Variants in HSD17B11 observed in about 807,000 individuals in gnomAD.
HSD17B11 encodes the protein hydroxysteroid 17-beta dehydrogenase 11.
In HSD17B11, 22 loss-of-function variants were observed where a neutral mutation model predicts 27.8. The ratio of observed to expected loss-of-function variants is 0.79; its 90% CI spans 0.56 to 1.13. The LOEUF (loss-of-function observed/expected upper bound fraction) is 1.13, where lower values mean the gene tolerates loss of function less well. Among genes scored for constraint, HSD17B11 ranks in the 50% most tolerant of loss-of-function variants. The pLI is 0.00. For synonymous variants in HSD17B11, 117 were observed against 132.8 expected, an observed-to-expected ratio of 0.88 and a Z score of 0.82; for missense variants, 314 against 351.1, an observed-to-expected ratio of 0.89 and a Z score of 0.84.
chr4:87,381,877 C>G (rs540818093), intron 2 of HSD17B11, among the ~76,000 whole-genome samples: 31 of 152,032 alleles, frequency 2.0e-4, no homozygotes, highest in African/African-American at 7.0e-4. Context: ...TTCAGAAGAC[C>G]CTGTCAGCAA....
chr4:87,343,295 G>A (rs1735204220), intron 5 of HSD17B11, among the ~76,000 whole-genome samples: 1 of 152,156 alleles, frequency 6.6e-6, no homozygotes, highest in Non-Finnish European at 1.5e-5. Flanking sequence ...ATGTCAGTAT[G>A]TGGAAACATT....
At chr4:87,367,447 T>C (rs4443241) in intron 4 of HSD17B11, among the ~76,000 whole-genome samples, 111,857 of 152,076 alleles carry the variant, frequency 0.74, 41,917 homozygotes, top group African/African-American at 0.87. Context: ...TGGCAGGGCT[T>C]AGCTTTAAAA....
At chr4:87,380,860 T>C (rs1578046748) in intron 2 of HSD17B11, among the ~76,000 whole-genome samples, 1 of 52,524 alleles carries the variant, frequency 1.9e-5, no homozygotes, top group Non-Finnish European at 3.1e-5. Context: ...CTAGACTCTA[T>C]CTCAAAAAAA....
intron 5 of HSD17B11, among the ~76,000 whole-genome samples, chr4:87,342,524 T>C (rs944368897): frequency 2.0e-5 from 3 of 151,884 alleles, no homozygotes; most frequent in Non-Finnish European, 1.5e-5. Flanking sequence ...CTAGGCAAGA[T>C]GGTGAGATCT....
At chr4:87,380,409 G>A (rs1467904277) in intron 2 of HSD17B11, among the ~76,000 whole-genome samples, 1 of 138,848 alleles carries the variant, frequency 7.2e-6, no homozygotes, top group African/African-American at 2.7e-5. Flanking sequence ...GGAGGCGGAG[G>A]TTGCAGTAAG....
At chr4:87,390,711 A>G in intron 1 of HSD17B11, 150 bp downstream of exon 1, 1 of 646,280 alleles carries the variant, frequency 1.5e-6, no homozygotes, top group Non-Finnish European at 2.8e-6. Context: ...ACAACATATT[A>G]ATTCATGCCC....
intron 6 of HSD17B11, among the ~76,000 whole-genome samples, chr4:87,338,253 C>T (rs1025986521): frequency 2.0e-5 from 3 of 151,974 alleles, no homozygotes; most frequent in Non-Finnish European, 4.4e-5. Flanking sequence ...TGAACAGTGA[C>T]GGACACTAGC....
At chr4:87,363,023 C>A (rs1438401016) in intron 4 of HSD17B11, among the ~76,000 whole-genome samples, 1 of 152,144 alleles carries the variant, frequency 6.6e-6, no homozygotes, top group African/African-American at 2.4e-5. Flanking sequence ...TGGGGCCCAA[C>A]TGGGGGTAAA....
At chr4:87,375,410 C>G (rs1735800339) in intron 2 of HSD17B11, among the ~76,000 whole-genome samples, 1 of 152,210 alleles carries the variant, frequency 6.6e-6, no homozygotes, top group Non-Finnish European at 1.5e-5. Context: ...GGCTAAGTAG[C>G]ATTTTTTTTA....
chr4:87,370,755 A>ATTATTATTT (rs70957229), intron 4 of HSD17B11, among the ~76,000 whole-genome samples: 5 of 57,532 alleles, frequency 8.7e-5, no homozygotes, highest in Non-Finnish European at 1.7e-4. Flanking sequence ...TATTATTATT[A>ATTATTATTT]TTTTTTTTTT....
intron 2 of HSD17B11, among the ~76,000 whole-genome samples, chr4:87,375,252 A>C (rs555867219): frequency 2.0e-5 from 3 of 152,298 alleles, no homozygotes; most frequent in African/African-American, 7.2e-5. Context: ...TGATTTTGCA[A>C]TCCATGTGTC....
At chr4:87,382,973 T>C (rs1038651016) in intron 1 of HSD17B11, among the ~76,000 whole-genome samples, 2 of 152,218 alleles carry the variant, frequency 1.3e-5, no homozygotes, top group African/African-American at 4.8e-5. Flanking sequence ...AGATTGAATA[T>C]TGGCAGTTTC....
intron 3 of HSD17B11, among the ~76,000 whole-genome samples, chr4:87,373,681 G>C (rs1298603560): frequency 2.6e-5 from 4 of 152,142 alleles, no homozygotes; most frequent in Non-Finnish European, 5.9e-5. Flanking sequence ...CTGCACTCCA[G>C]CCTGGGCAAC....
rs138360999 is a variant in HSD17B11 at position 87,341,276 on chromosome 4, A to C, written c.696-670T>G. On this transcript the variant is annotated intron_variant, in intron 5 of 6. Transcript: ENST00000358290. ...AACCTCCACCTACTGGGTTCAAGCG[A>C]TTTTCCTGCCTTGGCCCCTCAAGTA... is the stretch of plus-strand genomic sequence containing the variant. Among the ~76,000 whole-genome samples the C allele has an allele frequency of 1.7e-3, 259 of 151,844 alleles. 1 individual carries two copies. Among genetic ancestry groups the C allele is most frequent in the Middle Eastern group, 6.8e-3 (2 of 294 alleles).
rs936251930 is a variant in HSD17B11, at chr4:87,336,842, A to G, written c.*434T>C. On this transcript the variant is annotated 3_prime_UTR_variant, in exon 7 of 7. Transcript: ENST00000358290. ...TATTCATTGTGAAATACCACTAGAT[A>G]TAGTCCTTCATTTTATTTAGAGAGC... The G allele has an allele frequency of 5.8e-6, 1 of 173,526 alleles. No homozygotes were observed. The highest frequency in any genetic ancestry group is 2.4e-5 in the African/African-American group (1 of 41,570). 10.7% of individuals were successfully genotyped at this position (173,526 alleles called of 1,614,324 possible). A position where few individuals can be genotyped will look rare whatever the true frequency, so the allele number is the denominator to read the frequency against.
At chr4:87,383,476 A>G (rs778300791) in intron 1 of HSD17B11, among the ~76,000 whole-genome samples, 1 of 152,176 alleles carries the variant, frequency 6.6e-6, no homozygotes, top group Non-Finnish European at 1.5e-5. Context: ...CCTTTAAAAT[A>G]TATGTTTAGA....
chr4:87,378,946 ATTTATATATATATATTTTTT>A (rs1720047143), intron 2 of HSD17B11, among the ~76,000 whole-genome samples: 2 of 23,398 alleles, frequency 8.5e-5, no homozygotes, highest in South Asian at 1.0e-3. Flanking sequence ...ATATATATAT[ATTTATATATATATATTTTTT>A]TTTTTTTTTG....
At chr4:87,388,795 T>A (rs996840682) in intron 1 of HSD17B11, among the ~76,000 whole-genome samples, 2 of 152,202 alleles carry the variant, frequency 1.3e-5, no homozygotes, top group East Asian at 1.9e-4. Context: ...CAATAAATAT[T>A]TGTTGGATAA....
intron 4 of HSD17B11, among the ~76,000 whole-genome samples, chr4:87,365,201 T>C (rs1381640225): frequency 6.6e-6 from 1 of 152,150 alleles, no homozygotes; most frequent in Non-Finnish European, 1.5e-5. Flanking sequence ...CGAAAAACTG[T>C]ATAAGTGCTG....
Sources: allele counts gnomAD v4.1 joint callset (sites outside exome capture counted in the v4.1 genomes callset), GRCh38; gene constraint gnomAD v4.1.1; transcripts MANE v1.5; gene names NCBI Gene and HGNC (gene_info 2026-07-23, HGNC 2026-07-21).